Variants in UBXN7 observed in about 807,000 individuals in gnomAD.
UBXN7 encodes UBX domain-containing protein 7.
Under a neutral mutation model 58.0 loss-of-function variants are expected in UBXN7, and 9 were observed. The ratio of observed to expected loss-of-function variants is 0.16; its 90% CI spans 0.09 to 0.27. The LOEUF is 0.27. Among genes scored for constraint, UBXN7 ranks in the 10% least tolerant of loss-of-function variants. The pLI, the probability that UBXN7 is intolerant of heterozygous loss-of-function variation, is 1.00. For missense variants in UBXN7, 328 were observed against 599.6 expected (o/e 0.55, Z 4.73); for synonymous variants, 208 against 205.0 (o/e 1.01, Z -0.12).
chr3:196,422,620 C>T (rs530950496), intron 1 of UBXN7, among the ~76,000 whole-genome samples: 1 of 152,202 alleles, frequency 6.6e-6, no homozygotes, highest in African/African-American at 2.4e-5. Flanking sequence ...AATTCCTGGC[C>T]TAGAGCAATC....
At position 196,354,707 on chromosome 3, in the gene UBXN7, T is replaced by C. The variant is rs1290278543; in HGVS notation, c.*1978A>G. ...CTGAGGAATTAACATGAAAACCATC[T>C]TTCACTCAATAAATCAGAAGCTGCT... On this transcript the variant is annotated 3_prime_UTR_variant, in exon 11 of 11. Coordinates refer to ENST00000296328, the MANE Select transcript of UBXN7 (RefSeq NM_015562.2). 6.6e-6 allele frequency: 1 copy of C among 152,092 alleles called. No individual in the cohort carries two copies. Among genetic ancestry groups the C allele is most frequent in the Non-Finnish European group, 1.5e-5 (1 of 68,024 alleles). 9.4% of individuals were successfully genotyped at this position (152,092 alleles called of 1,614,324 possible). A position where few individuals can be genotyped will look rare whatever the true frequency, so the allele number is the denominator to read the frequency against.
Position 196,349,402 on chromosome 3 carries a change from A to T in UBXN7, c.*7283T>A, listed in dbSNP as rs549554874. The T allele has an allele frequency of 6.6e-6, 1 of 152,366 alleles. No homozygotes were observed. Among genetic ancestry groups the T allele is most frequent in the Admixed American group, 6.5e-5 (1 of 15,308 alleles). 9.4% of individuals were successfully genotyped at this position (152,366 alleles called of 1,614,324 possible). A position where few individuals can be genotyped will look rare whatever the true frequency, so the allele number is the denominator to read the frequency against. On this transcript the variant is annotated 3_prime_UTR_variant, in exon 11 of 11. Transcript: ENST00000296328. ...CGTGTAAGGTTTAACTTACAGGGCA[A>T]TAAGTTATCAAAAAGTTATTGTTAA...
At chr3:196,399,616 T>G (rs987380572) in intron 3 of UBXN7, among the ~76,000 whole-genome samples, 1 of 152,188 alleles carries the variant, frequency 6.6e-6, no homozygotes, top group Non-Finnish European at 1.5e-5. Context: ...TATTTTTATT[T>G]TTTGTAGAGA....
chr3:196,370,174 G>A (rs1304458585), intron 6 of UBXN7, among the ~76,000 whole-genome samples: 2 of 149,206 alleles, frequency 1.3e-5, no homozygotes, highest in Non-Finnish European at 3.0e-5. Flanking sequence ...ATGGTGGCTC[G>A]CACCTATAAC....
chr3:196,378,425 G>T (rs1191348387), intron 5 of UBXN7, among the ~76,000 whole-genome samples: 1 of 152,162 alleles, frequency 6.6e-6, no homozygotes, highest in Non-Finnish European at 1.5e-5. Context: ...CTTCCATGCT[G>T]TTTATTTTTT....
At chr3:196,401,274 A>AATAT (rs780788392) in intron 3 of UBXN7, among the ~76,000 whole-genome samples, 763 of 36,538 alleles carry the variant, frequency 0.021, 20 homozygotes, top group East Asian at 0.074. Context: ...AAAAAAAAAA[A>AATAT]ATATATATAT....
At chr3:196,411,704 G>A (rs1328932279) in intron 1 of UBXN7, among the ~76,000 whole-genome samples, 2 of 151,760 alleles carry the variant, frequency 1.3e-5, no homozygotes, top group Admixed American at 1.3e-4. Flanking sequence ...CCAGCTACTC[G>A]GGAGGCTGAG....
intron 5 of UBXN7, among the ~76,000 whole-genome samples, chr3:196,388,300 G>A (rs990384705): frequency 6.9e-6 from 1 of 145,180 alleles, no homozygotes; most frequent in African/African-American, 2.6e-5. Context: ...TCGGGGGCTG[G>A]GGGGCTGGGG....
intron 3 of UBXN7, chr3:196,393,825 T>C: frequency 2.6e-6 from 1 of 377,468 alleles, no homozygotes; most frequent in Non-Finnish European, 5.0e-6. Flanking sequence ...TATTTCTTGT[T>C]TTAAAACACT....
chr3:196,402,017 A>C (rs11720438), intron 3 of UBXN7, among the ~76,000 whole-genome samples: 2,715 of 152,100 alleles, frequency 0.018, 28 homozygotes, highest in Non-Finnish European at 0.03. Flanking sequence ...TCTTGTACTC[A>C]ATTGTATTTA....
Position 196,418,231 on chromosome 3 carries a change from T to C in UBXN7, c.74-10838A>G, listed in dbSNP as rs548758630. ...CAGCCTGGGCGACAGCAAGACTCCA[T>C]TGAAAGAAAGAAAGGAAGAAAAGAA... On this transcript the variant is annotated intron_variant, in intron 1 of 10. Coordinates refer to ENST00000296328, the MANE Select transcript of UBXN7 (RefSeq NM_015562.2). Among the ~76,000 whole-genome samples the C allele has an allele frequency of 9.3e-5, 14 of 150,100 alleles. No individual in the cohort carries two copies. In the East Asian group the frequency reaches 2.0e-3, roughly 21 times the overall value.
intron 3 of UBXN7, among the ~76,000 whole-genome samples, chr3:196,395,422 G>C (rs570661410): frequency 6.6e-6 from 1 of 152,210 alleles, no homozygotes; most frequent in East Asian, 1.9e-4. Context: ...TGGGAAAAGA[G>C]ATTTTGTAAT....
intron 6 of UBXN7, among the ~76,000 whole-genome samples, chr3:196,371,202 C>G (rs1413193825): frequency 6.6e-6 from 1 of 152,188 alleles, no homozygotes; most frequent in African/African-American, 2.4e-5. Context: ...AATACAGCAA[C>G]CACTACCCAC....
At position 196,353,267 on chromosome 3, in the gene UBXN7, T is replaced by C. The variant is rs1337955233; in HGVS notation, c.*3418A>G. 1 of 152,202 alleles carries C rather than the reference T, an allele frequency of 6.6e-6. No homozygotes were observed. The highest frequency in any genetic ancestry group is 1.9e-4 in the East Asian group (1 of 5,192). 9.4% of individuals were successfully genotyped at this position (152,202 alleles called of 1,614,324 possible). A position where few individuals can be genotyped will look rare whatever the true frequency, so the allele number is the denominator to read the frequency against. ...GAGTCCTGAATAAGTTCTCTATACC[T>C]GTTTTCTTAACATGGGAAGAAAGTA... On this transcript the variant is annotated 3_prime_UTR_variant, in exon 11 of 11. Coordinates refer to ENST00000296328, the MANE Select transcript of UBXN7 (RefSeq NM_015562.2).
intron 3 of UBXN7, chr3:196,397,650 A>G (rs578064595): frequency 6.6e-6 from 1 of 152,244 alleles, no homozygotes; most frequent in East Asian, 1.9e-4. Context: ...CACCATATTG[A>G]TTCCGAACTT....
rs558530730 is a variant in UBXN7, at chr3:196,363,201, C to CACAT, written c.835-518_835-515dup. Among the ~76,000 whole-genome samples the CACAT allele has an allele frequency of 8.2e-3, 1,144 of 139,320 alleles. 7 individuals carry two copies. Among genetic ancestry groups the CACAT allele is most frequent in the African/African-American group, 0.013 (481 of 38,326 alleles). The allele number at this position is 139,320 out of a possible 152,430, so 91.4% of individuals were successfully genotyped here. On this transcript the variant is annotated intron_variant, in intron 8 of 10. Coordinates refer to ENST00000296328, the MANE Select transcript of UBXN7 (RefSeq NM_015562.2). The stretch of plus-strand genomic sequence containing the variant: ...TACAGGCGTGAGACACCGCACCTGG[C>CACAT]ACATACATACATACATACATACATA...
rs1200424095 is a variant in UBXN7, at chr3:196,432,339, T to C, written c.61A>G (p.Thr21Ala). The change falls in exon 1 of 11, where the codon ACC becomes GCC. Residue 21 changes from threonine (T) to alanine (A), a missense_variant. Around this residue, in one of 4 missense-constraint regions of UBXN7, gnomAD observed 106 missense variants for 124.3 expected, o/e 0.85. Coordinates refer to ENST00000296328, the MANE Select transcript of UBXN7 (RefSeq NM_015562.2). ...SALKGLIQQF[T>A]TITGASESVG... is the part of the protein sequence containing the mutation. ...CCGCGTCTCTTACCGGTAATGGTGG[T>C]GAACTGTTGAATTAACCCCTTCAGC... The C allele has an allele frequency of 1.2e-6, 2 of 1,611,764 alleles. No individual in the cohort carries two copies.
rs181645333 is a variant in UBXN7, at chr3:196,405,683, T to C, written c.221+1563A>G. Among the ~76,000 whole-genome samples, 58 of 152,232 alleles carry C rather than the reference T, an allele frequency of 3.8e-4. No homozygotes were observed. In the East Asian group the frequency reaches 6.4e-3, roughly 17 times the overall value. ...AGAGGGGTGGATTAAGTAGTACACT[T>C]GTCCTTACACGAAAAGACTTGATTA... On this transcript the variant is annotated intron_variant, in intron 2 of 10. Coordinates refer to ENST00000296328, the MANE Select transcript of UBXN7 (RefSeq NM_015562.2).
chr3:196,364,274 C>A (rs989191048), intron 8 of UBXN7, among the ~76,000 whole-genome samples: 5 of 151,980 alleles, frequency 3.3e-5, no homozygotes, highest in Admixed American at 1.3e-4. Context: ...GGAAAGAAAT[C>A]GTAAGATAAT....
Sources: allele counts gnomAD v4.1 joint callset (sites outside exome capture counted in the v4.1 genomes callset), GRCh38; gene constraint gnomAD v4.1.1; regional missense constraint gnomAD v4.1.1; transcripts MANE v1.5; gene names NCBI Gene and HGNC (gene_info 2026-07-23, HGNC 2026-07-21).